The following HIVEP2 variants were observed in gnomAD, a reference collection of about 807,000 sequenced individuals.
The protein encoded by HIVEP2 is transcription factor HIVEP2.
HIVEP2 carries 14 observed loss-of-function variants against 180.7 expected under a neutral mutation model. The observed-to-expected ratio is 0.08, with a 90% CI of 0.05 to 0.12. HIVEP2 has a LOEUF of 0.12. Ranked by LOEUF, HIVEP2 falls within the 10% of genes least tolerant of loss-of-function variation. The pLI is 1.00. For missense variants in HIVEP2, 2,579 were observed against 3,008.5 expected (o/e 0.86, Z 3.34); for synonymous variants, 1,184 against 1,136.4 (o/e 1.04, Z -0.84).
chr6:142,865,676 C>T (rs538597129), intron 1 of HIVEP2, among the ~76,000 whole-genome samples: 1 of 152,016 alleles, frequency 6.6e-6, no homozygotes, highest in East Asian at 1.9e-4. Context: ...TAGAACAGCC[C>T]AGTACATTGA....
chr6:142,777,161 A>C (rs1350555447), intron 3 of HIVEP2, among the ~76,000 whole-genome samples: 1 of 152,196 alleles, frequency 6.6e-6, no homozygotes, highest in African/African-American at 2.4e-5. Context: ...TAGAAATTCC[A>C]CTGCTGGAAA....
chr6:142,937,423 C>A (rs1778083431), intron 1 of HIVEP2, among the ~76,000 whole-genome samples: 1 of 152,162 alleles, frequency 6.6e-6, no homozygotes, highest in African/African-American at 2.4e-5. Context: ...CAAACATTCT[C>A]ATAAAAATTT....
rs562026174 is a variant in HIVEP2 at position 142,770,256 on chromosome 6, G to A, written c.4483C>T (p.Leu1495=). Residue 1495 remains leucine (L), a synonymous_variant, in exon 5 of 10, where the codon CTG becomes TTG. Transcript: ENST00000367603. The surrounding 1 kb of genome is among the most constrained non-coding windows in gnomAD (Gnocchi z 4.7). ...KDLSRPQKPQ[L]VRQGCASEPK... is the part of the protein sequence containing the mutation. ...TCAGAAGCACATCCTTGTCGAACCAGCTGGGGTTTCTGGGGGCGGGAGAGG... is the reference window on the plus strand; with the variant it reads ...TCAGAAGCACATCCTTGTCGAACCAACTGGGGTTTCTGGGGGCGGGAGAGG... 5.6e-6 allele frequency: 9 copies of A among 1,614,234 alleles called. No individual in the cohort carries two copies. In the South Asian group the frequency reaches 8.8e-5, roughly 16 times the overall value.
At chr6:142,862,765 AATAT>A (rs1417003688) in intron 1 of HIVEP2, among the ~76,000 whole-genome samples, 1 of 136,448 alleles carries the variant, frequency 7.3e-6, no homozygotes, top group Non-Finnish European at 1.5e-5. Context: ...TATATTATGT[AATAT>A]ATTATATGTA....
chr6:142,822,274 C>T (rs1777062376), intron 2 of HIVEP2, among the ~76,000 whole-genome samples: 1 of 152,166 alleles, frequency 6.6e-6, no homozygotes, highest in South Asian at 2.1e-4. Flanking sequence ...TTAAACTACA[C>T]TGGATTACAA....
At chr6:142,793,326 T>C (rs1423725098) in intron 2 of HIVEP2, among the ~76,000 whole-genome samples, 3 of 152,190 alleles carry the variant, frequency 2.0e-5, no homozygotes, top group Non-Finnish European at 2.9e-5. Context: ...CTTCATTGTA[T>C]AGAAATTTAG....
At position 142,760,651 on chromosome 6, in the gene HIVEP2, C is replaced by A. The variant is rs1333321827; in HGVS notation, c.5637G>T (p.Leu1879Phe). 2 of 1,592,252 alleles carry A rather than the reference C, an allele frequency of 1.3e-6. No homozygotes were observed. The highest frequency in any genetic ancestry group is 1.1e-5 in the South Asian group (1 of 87,484). ...TGCTATGCTTCTCTGCTGCTTTGTG[C>A]AAATCTTCCAAATTTTCTGAAACAA... ...ETEEAENLED[L>F]HKAAEKHSMS... Residue 1879 changes from leucine (L) to phenylalanine (F), a missense_variant, in exon 9 of 10, where the codon TTG becomes TTT. This residue lies in a region of HIVEP2 where 660 missense variants were observed against 731.7 expected (regional missense o/e 0.90). Coordinates refer to ENST00000367603, the MANE Select transcript of HIVEP2 (RefSeq NM_006734.4).
At position 142,764,791 on chromosome 6, in the gene HIVEP2, A is replaced by C; in HGVS notation, c.5518+8T>G. Reference sequence around the variant, plus strand: ...GTATTTTTCCTCTCAAAAAAATCAGACTTGTACCTTTCGTTTTGAAGGCAA... The same window carrying C: ...GTATTTTTCCTCTCAAAAAAATCAGCCTTGTACCTTTCGTTTTGAAGGCAA... On this transcript the variant is annotated splice_region_variant and intron_variant, in intron 7 of 9. Transcript: ENST00000367603. 6.2e-7 allele frequency: 1 copy of C among 1,612,012 alleles called. No homozygotes were observed. Among genetic ancestry groups the C allele is most frequent in the Non-Finnish European group, 8.5e-7 (1 of 1,178,740 alleles).
chr6:142,856,628 T>C (rs1003902188), intron 1 of HIVEP2, among the ~76,000 whole-genome samples: 1 of 152,206 alleles, frequency 6.6e-6, no homozygotes, highest in African/African-American at 2.4e-5. Context: ...AAGAGATAAC[T>C]GTAAAGTCTG....
At chr6:142,855,273 C>T (rs1484822516) in intron 1 of HIVEP2, among the ~76,000 whole-genome samples, 1 of 152,188 alleles carries the variant, frequency 6.6e-6, no homozygotes, top group Non-Finnish European at 1.5e-5. Flanking sequence ...GAAGTCTCCA[C>T]TGAGCTCCAG....
At chr6:142,912,839 T>C (rs1365339339) in intron 1 of HIVEP2, among the ~76,000 whole-genome samples, 1 of 152,150 alleles carries the variant, frequency 6.6e-6, no homozygotes, top group Non-Finnish European at 1.5e-5. Flanking sequence ...GCCAAAAAGG[T>C]TGGAGACTGT....
chr6:142,878,773 C>T (rs1776509043), intron 1 of HIVEP2, among the ~76,000 whole-genome samples: 1 of 152,170 alleles, frequency 6.6e-6, no homozygotes, highest in African/African-American at 2.4e-5. Context: ...TGTAGGGACA[C>T]TGAGAGGCCT....
At chr6:142,881,671 T>C (rs958955739) in intron 1 of HIVEP2, among the ~76,000 whole-genome samples, 5 of 152,196 alleles carry the variant, frequency 3.3e-5, no homozygotes, top group Non-Finnish European at 7.4e-5. Context: ...CCTTCTCTCT[T>C]AGAAAATGTA....
intron 2 of HIVEP2, among the ~76,000 whole-genome samples, chr6:142,792,105 G>A (rs1776151782): frequency 6.6e-6 from 1 of 151,828 alleles, no homozygotes; most frequent in Non-Finnish European, 1.5e-5. Flanking sequence ...CTGAGGTGAT[G>A]GTGGTGGCAG....
intron 2 of HIVEP2, among the ~76,000 whole-genome samples, chr6:142,832,451 T>C (rs1199211439): frequency 6.6e-6 from 1 of 152,020 alleles, no homozygotes; most frequent in African/African-American, 2.4e-5. Context: ...TGTTAAGGGG[T>C]GATGCGGGCA....
In HIVEP2 at chr6:142,887,959, CA is replaced by C. The variant is rs10634446; in HGVS notation, c.-640-50913del. ...GAGGATATAGCAAAGGGCGATGCAG[CA>C]AAAAAAAAAAAAAATTGCTTTTTCA... is the stretch of plus-strand genomic sequence containing the variant. On this transcript the variant is annotated intron_variant, in intron 1 of 9. Transcript: ENST00000367603. Among the ~76,000 whole-genome samples the C allele has an allele frequency of 6.3e-3, 895 of 143,074 alleles. 8 individuals are homozygous for C. Among genetic ancestry groups the C allele is most frequent in the African/African-American group, 8.9e-3 (344 of 38,702 alleles). The allele number at this position is 143,074 out of a possible 152,430, so 93.9% of individuals were successfully genotyped here. A position where few individuals can be genotyped will look rare whatever the true frequency, so the allele number is the denominator to read the frequency against.
chr6:142,785,341 A>T (rs111679455), intron 2 of HIVEP2, among the ~76,000 whole-genome samples: 9,079 of 113,204 alleles, frequency 0.08, 1,101 homozygotes, highest in African/African-American at 0.25. Context: ...AAAAAAAAAA[A>T]AAAAAGAAGA....
intron 1 of HIVEP2, among the ~76,000 whole-genome samples, chr6:142,841,116 A>G (rs1775350316): frequency 6.6e-6 from 1 of 152,040 alleles, no homozygotes; most frequent in African/African-American, 2.4e-5. Context: ...TATGTAATAT[A>G]TATTAATTTT....
intron 1 of HIVEP2, among the ~76,000 whole-genome samples, chr6:142,838,427 A>G (rs1775279045): frequency 6.6e-6 from 1 of 152,160 alleles, no homozygotes; most frequent in Admixed American, 6.5e-5. Context: ...TTAAAATTAC[A>G]CTGAATCAAC....
Sources: allele counts gnomAD v4.1 joint callset (sites outside exome capture counted in the v4.1 genomes callset), GRCh38; gene constraint gnomAD v4.1.1; regional missense constraint gnomAD v4.1.1; non-coding constraint Gnocchi (gnomAD v3.1); transcripts MANE v1.5; gene names NCBI Gene and HGNC (gene_info 2026-07-23, HGNC 2026-07-21).